Variants in METTL22 observed in about 807,000 individuals in gnomAD.
METTL22 encodes methyltransferase-like protein 22.
METTL22 carries 51 observed loss-of-function variants against 48.4 expected under a neutral mutation model. The observed-to-expected ratio is 1.05, with a 90% CI of 0.84 to 1.33. The LOEUF is 1.33. Ranked by LOEUF, METTL22 falls within the 40% of genes most tolerant of loss-of-function variation. The pLI is 0.00. For synonymous variants in METTL22, 255 were observed against 214.1 expected (o/e 1.19, Z -1.67); for missense variants, 678 against 526.9 (o/e 1.29, Z -2.81).
Position 8,642,553 on chromosome 16 carries a change from C to T in METTL22, c.998C>T (p.Ser333Leu), listed in dbSNP as rs200341044. The T allele has an allele frequency of 3.5e-4, 560 of 1,614,070 alleles. No homozygotes were observed. Among genetic ancestry groups the T allele is most frequent in the Non-Finnish European group, 4.5e-4 (536 of 1,180,038 alleles). Residue 333 changes from serine to leucine, a missense_variant, in exon 9 of 11, where the codon TCG (serine) becomes TTG (leucine). By Grantham distance (145) the Ser-to-Leu change is moderately radical. Coordinates refer to ENST00000381920, the MANE Select transcript of METTL22 (RefSeq NM_024109.4). ...AAAAATGCCTGCACAGCCATACTGT[C>T]GGTGGAGAAGAGGTGAGCTTTGCGC... ...RLKNACTAIL[S>L]VEKRLNFTLR...
the METTL22 span, among the ~76,000 whole-genome samples, chr16:8,666,327 A>C: frequency 6.6e-6 from 1 of 152,222 alleles, no homozygotes; most frequent in Non-Finnish European, 1.5e-5. Context: ...GCAGTCACCC[A>C]CAGTGATTAT....
rs921081487 is a variant in METTL22 at position 8,644,384 on chromosome 16, G to A, written c.1011-173G>A. 8.4e-5 allele frequency: 50 copies of A among 595,892 alleles called. 1 individual carries two copies. The highest frequency in any genetic ancestry group is 8.2e-4 in the Middle Eastern group (2 of 2,428). 36.9% of individuals were successfully genotyped at this position (595,892 alleles called of 1,614,324 possible). A position where few individuals can be genotyped will look rare whatever the true frequency, so the allele number is the denominator to read the frequency against. On this transcript the variant is annotated intron_variant, in intron 9 of 10. Transcript: ENST00000381920. ...ATCCACTTCCACCTCCTGGGCTGTC[G>A]TGCAGATGTAGGAAGGAATTGCACT...
intron 10 of METTL22, among the ~76,000 whole-genome samples, chr16:8,645,340 G>T (rs2056754413): frequency 6.6e-6 from 1 of 152,210 alleles, no homozygotes; most frequent in African/African-American, 2.4e-5. Context: ...AGGGAGGGCA[G>T]CATGGAATTC....
the METTL22 span, among the ~76,000 whole-genome samples, chr16:8,664,059 T>C: frequency 6.6e-6 from 1 of 151,980 alleles, no homozygotes. Flanking sequence ...TCTTTCCTCT[T>C]TCCTTACACT....
At chr16:8,658,222 G>A in the METTL22 span, among the ~76,000 whole-genome samples, 5 of 152,190 alleles carry the variant, frequency 3.3e-5, no homozygotes, top group African/African-American at 4.8e-5. Flanking sequence ...GGAGCACCCG[G>A]GATCACCAGA....
At chr16:8,636,520 C>G (rs1346027005) in intron 5 of METTL22, among the ~76,000 whole-genome samples, 2 of 11,190 alleles carry the variant, frequency 1.8e-4, no homozygotes, top group African/African-American at 5.7e-4. Flanking sequence ...GACTCTGTCT[C>G]AAAAAAAAAA....
the METTL22 span, among the ~76,000 whole-genome samples, chr16:8,666,492 TCA>T: frequency 2.6e-5 from 4 of 152,216 alleles, no homozygotes; most frequent in African/African-American, 9.6e-5. Flanking sequence ...ACATTTATGG[TCA>T]TAGCTAATAT....
intron 2 of METTL22, among the ~76,000 whole-genome samples, chr16:8,627,334 C>G (rs2056095806): frequency 6.6e-6 from 1 of 152,030 alleles, no homozygotes; most frequent in Non-Finnish European, 1.5e-5. Context: ...TCTTCTGTGG[C>G]CACTCTCAGG....
intron 1 of METTL22, among the ~76,000 whole-genome samples, chr16:8,625,149 G>A (rs2056001271): frequency 6.6e-6 from 1 of 151,968 alleles, no homozygotes; most frequent in Non-Finnish European, 1.5e-5. Context: ...ATGCTCTTAG[G>A]GGACAGACAT....
chr16:8,627,003 G>A (rs963445678), intron 2 of METTL22, among the ~76,000 whole-genome samples: 6 of 151,814 alleles, frequency 4.0e-5, no homozygotes, highest in East Asian at 1.9e-4. Flanking sequence ...TCCTGACCTC[G>A]TGCCGCCCGC....
At chr16:8,642,611 C>T (rs745358573) in intron 9 of METTL22, 46 bp downstream of exon 9, 7 of 1,549,256 alleles carry the variant, frequency 4.5e-6, no homozygotes, top group Admixed American at 1.7e-5. Context: ...CGAGTGTCAG[C>T]GGAACTCTCA....
chr16:8,630,026 C>T (rs2056201565), intron 3 of METTL22, among the ~76,000 whole-genome samples: 1 of 3,832 alleles, frequency 2.6e-4, no homozygotes, highest in Admixed American at 6.3e-3. Flanking sequence ...TGGCGCTGCT[C>T]ATTTGGGGAG....
chr16:8,663,938 A>T, the METTL22 span, among the ~76,000 whole-genome samples: 8 of 152,040 alleles, frequency 5.3e-5, no homozygotes, highest in African/African-American at 1.9e-4. Context: ...TACCCACCGG[A>T]TGCCAGGAGC....
At chr16:8,636,186 T>C (rs1238981261) in intron 5 of METTL22, among the ~76,000 whole-genome samples, 1 of 152,168 alleles carries the variant, frequency 6.6e-6, no homozygotes, top group Admixed American at 6.5e-5. Flanking sequence ...ACCCGTTGTT[T>C]AGCTCCCACT....
intron 2 of METTL22, among the ~76,000 whole-genome samples, chr16:8,627,454 A>G (rs540558356): frequency 1.3e-5 from 2 of 152,088 alleles, no homozygotes; most frequent in Admixed American, 6.5e-5. Flanking sequence ...TATCATCTCC[A>G]CAGACAGCCC....
chr16:8,635,084 G>C lies in METTL22; in HGVS notation c.555+5G>C. The stretch of plus-strand genomic sequence containing the variant: ...CTGGAGGATGTTGGCAAGCAGGTGG[G>C]TAGGTCTTGTCCGCTTCCTGTGGCC... On this transcript the variant is annotated splice_donor_5th_base_variant and intron_variant, in intron 4 of 10. Coordinates refer to ENST00000381920, the MANE Select transcript of METTL22 (RefSeq NM_024109.4). The C allele has an allele frequency of 6.2e-7, 1 of 1,613,996 alleles. No homozygotes were observed. Among genetic ancestry groups the C allele is most frequent in the Non-Finnish European group, 8.5e-7 (1 of 1,180,036 alleles).
chr16:8,659,572 T>C, the METTL22 span, among the ~76,000 whole-genome samples: 2 of 152,172 alleles, frequency 1.3e-5, no homozygotes, highest in South Asian at 2.1e-4. Flanking sequence ...CAACCTGCAA[T>C]AAACAAATAA....
intron 10 of METTL22, 197 bp from the exon 11 acceptor site, chr16:8,645,911 C>G (rs1490248797): frequency 3.2e-6 from 3 of 945,918 alleles, no homozygotes; most frequent in African/African-American, 5.3e-5. Flanking sequence ...CATCCAGCCT[C>G]TCTGCCACAG....
Position 8,629,063 on chromosome 16 carries a change from T to C in METTL22, c.467T>C (p.Val156Ala). ...ATTCTAGCACAGGAAGAAGACGACG[T>C]CCTGGGAGAGGAAGCACAAGGCAGC... ...PMILAQEEDD[V>A]LGEEAQGSPH... is the part of the protein sequence containing the mutation. Residue 156 changes from valine to alanine, a missense_variant, in exon 3 of 11, where the codon GTC (valine) becomes GCC (alanine). Transcript: ENST00000381920. The C allele has an allele frequency of 6.2e-7, 1 of 1,613,802 alleles. No homozygotes were observed. Among genetic ancestry groups the C allele is most frequent in the Non-Finnish European group, 8.5e-7 (1 of 1,180,010 alleles).
Sources: allele counts gnomAD v4.1 joint callset (sites outside exome capture counted in the v4.1 genomes callset), GRCh38; gene constraint gnomAD v4.1.1; transcripts MANE v1.5; gene names NCBI Gene and HGNC (gene_info 2026-07-23, HGNC 2026-07-21).